The following MYO9A variants were observed in gnomAD, a reference collection of about 807,000 sequenced individuals.
MYO9A encodes the protein unconventional myosin-IXa.
A neutral mutation model predicts 293.3 loss-of-function variants in MYO9A; 103 were observed. The observed-to-expected ratio is 0.35, with a 90% CI of 0.30 to 0.41. The LOEUF (loss-of-function observed/expected upper bound fraction) is 0.41, where lower values mean the gene tolerates loss of function less well. Ranked by LOEUF, MYO9A falls within the 10% of genes least tolerant of loss-of-function variation. The probability of loss-of-function intolerance (pLI) is 1.00; values close to 1 mark genes in which losing one functional copy is unlikely to be tolerated. For synonymous variants in MYO9A, 1,001 were observed against 1,035.7 expected (o/e 0.97, Z 0.64); for missense variants, 2,685 against 3,033.0 (o/e 0.89, Z 2.69).
chr15:71,994,509 T>C lies in MYO9A; in HGVS notation c.1547A>G (p.His516Arg), dbSNP rs539645096. ...TAAATCTTTACTATTCAGAAGTGCATGATTAATTCGAAAAACTATCCAGTC... is the reference window on the plus strand; with the variant it reads ...TAAATCTTTACTATTCAGAAGTGCACGATTAATTCGAAAAACTATCCAGTC... The part of the protein sequence containing the change: ...LFDWIVFRIN[H>R]ALLNSKDLEH... The change falls in exon 10 of 42, where the codon CAT becomes CGT. Residue 516 changes from histidine to arginine, a missense_variant. By Grantham distance (29) the His-to-Arg change is conservative. Coordinates refer to ENST00000356056, the MANE Select transcript of MYO9A (RefSeq NM_006901.4). 5 of 1,611,634 alleles carry C rather than the reference T, an allele frequency of 3.1e-6. No homozygotes were observed. Among genetic ancestry groups the C allele is most frequent in the South Asian group, 2.2e-5 (2 of 90,408 alleles).
intron 32 of MYO9A, 101 bp downstream of exon 32, chr15:71,875,690 A>C (rs1216913823): frequency 7.3e-6 from 4 of 545,308 alleles, no homozygotes; most frequent in Non-Finnish European, 1.2e-5. Context: ...GTACCTGATA[A>C]ACTTATTTCA....
chr15:72,093,415 C>T (rs1043535532), intron 1 of MYO9A, among the ~76,000 whole-genome samples: 1 of 151,820 alleles, frequency 6.6e-6, no homozygotes, highest in Non-Finnish European at 1.5e-5. Context: ...CTGCACCTAT[C>T]GTCCCTGCTA....
chr15:71,905,240 G>A (rs1453020160), intron 19 of MYO9A, among the ~76,000 whole-genome samples: 1 of 152,074 alleles, frequency 6.6e-6, no homozygotes, highest in Non-Finnish European at 1.5e-5. Flanking sequence ...AAATATTGCA[G>A]ATGTTTTCAG....
In MYO9A at chr15:71,898,179, T is replaced by G; in HGVS notation, c.4324A>C (p.Asn1442His). ...NSQLDTSIQRNKLLENEDTAG... is the reference protein window; with the variant it reads ...NSQLDTSIQRHKLLENEDTAG... ...GTGTCTTCATTTTCCAATAGTTTGT[T>G]TCTTTGGATACTTGTGTCTAGTTGG... The change falls in exon 25 of 42, where the codon AAC becomes CAC. Residue 1442 changes from asparagine (N) to histidine (H), a missense_variant. This residue lies in a region of MYO9A where 1,434 missense variants were observed against 1,497.7 expected (regional missense o/e 0.96). Transcript: ENST00000356056. 6.2e-7 allele frequency: 1 copy of G among 1,614,172 alleles called. No individual in the cohort carries two copies.
rs1471563436 is a variant in MYO9A at position 71,826,003 on chromosome 15, TTTTTTGTTTTTTTTTTTTG to T, written c.*558_*576del. 3.7e-5 allele frequency: 5 copies of T among 136,752 alleles called. No individual in the cohort carries two copies. The highest frequency in any genetic ancestry group is 1.4e-4 in the African/African-American group (5 of 36,556). The allele number at this position is 136,752 out of a possible 1,614,324, so 8.5% of individuals were successfully genotyped here. On this transcript the variant is annotated 3_prime_UTR_variant, in exon 42 of 42. Transcript: ENST00000356056. ...AATCACGGTTTTTTTTTGTTTTTTT[TTTTTTGTTTTTTTTTTTTG>T]TTTTTGCTTTCCCCAGAATATAACA...
At chr15:72,072,091 T>C (rs1419450541) in intron 1 of MYO9A, among the ~76,000 whole-genome samples, 1 of 146,182 alleles carries the variant, frequency 6.8e-6, no homozygotes, top group Non-Finnish European at 1.5e-5. Context: ...AAAAAAAAAG[T>C]ATATATAATA....
At chr15:71,911,905 G>A (rs1298714931) in intron 19 of MYO9A, among the ~76,000 whole-genome samples, 1 of 152,162 alleles carries the variant, frequency 6.6e-6, no homozygotes, top group East Asian at 1.9e-4. Flanking sequence ...AAATAATACA[G>A]AAAATATACA....
intron 6 of MYO9A, among the ~76,000 whole-genome samples, chr15:72,013,011 T>C (rs1297296680): frequency 1.3e-5 from 2 of 152,212 alleles, no homozygotes; most frequent in African/African-American, 4.8e-5. Context: ...TGATGATAAC[T>C]GTAGAAGAAA....
intron 40 of MYO9A, among the ~76,000 whole-genome samples, chr15:71,829,255 A>G (rs1296667981): frequency 6.6e-6 from 1 of 152,116 alleles, no homozygotes; most frequent in Non-Finnish European, 1.5e-5. Context: ...CTGCTTTTTT[A>G]GCTGGCCTAT....
chr15:71,881,509 A>G (rs1775666437), intron 28 of MYO9A, among the ~76,000 whole-genome samples: 1 of 152,228 alleles, frequency 6.6e-6, no homozygotes, highest in Admixed American at 6.5e-5. Flanking sequence ...GATACAGGAT[A>G]CAATTATATT....
intron 18 of MYO9A, among the ~76,000 whole-genome samples, chr15:71,917,751 C>T (rs1298926200): frequency 6.6e-6 from 1 of 151,978 alleles, no homozygotes; most frequent in East Asian, 1.9e-4. Flanking sequence ...TATATCTATA[C>T]AGATGTAAAC....
At chr15:71,920,164 C>G (rs2058119081) in intron 18 of MYO9A, among the ~76,000 whole-genome samples, 2 of 152,100 alleles carry the variant, frequency 1.3e-5, no homozygotes, top group Admixed American at 6.6e-5. Flanking sequence ...TACTTCATTC[C>G]TTTCTTAATT....
At chr15:71,864,539 T>C (rs1224831576) in intron 32 of MYO9A, among the ~76,000 whole-genome samples, 1 of 152,226 alleles carries the variant, frequency 6.6e-6, no homozygotes, top group East Asian at 1.9e-4. Flanking sequence ...TAACTGTTCA[T>C]AGTGGCATTA....
chr15:72,096,058 G>GCCTGTAATCCCA, intron 1 of MYO9A, among the ~76,000 whole-genome samples: 1 of 151,872 alleles, frequency 6.6e-6, no homozygotes, highest in Admixed American at 6.6e-5. Context: ...CTACTTGAGA[G>GCCTGTAATCCCA]GCTAAGGCAG....
intron 1 of MYO9A, among the ~76,000 whole-genome samples, chr15:72,079,752 C>T (rs538804194): frequency 4.5e-4 from 69 of 152,128 alleles, no homozygotes; most frequent in East Asian, 5.8e-4. Context: ...GTTTCCAATT[C>T]GCTATTATTA....
At position 72,099,800 on chromosome 15, in the gene MYO9A, G is replaced by A. The variant is rs1011904261; in HGVS notation, c.-72+17880C>T. On this transcript the variant is annotated intron_variant, in intron 1 of 41. Transcript: ENST00000356056. ...GCCTGTAGTCCCAGCTACTCAGGAG[G>A]CTGAGACAGGAGAACTGCTTGAACC... 5.3e-5 allele frequency among the ~76,000 whole-genome samples: 8 copies of A among 150,724 alleles called. No homozygotes were observed. The South Asian group carries it at 6.3e-4, about 12-fold the overall frequency.
chr15:71,999,549 A>T (rs780073333), intron 9 of MYO9A, among the ~76,000 whole-genome samples: 12 of 152,184 alleles, frequency 7.9e-5, no homozygotes, highest in Non-Finnish European at 1.6e-4. Context: ...ATTGGGTCAA[A>T]TATTGCTCAT....
intron 18 of MYO9A, among the ~76,000 whole-genome samples, chr15:71,929,187 T>G (rs1219109481): frequency 6.6e-6 from 1 of 152,172 alleles, no homozygotes; most frequent in African/African-American, 2.4e-5. Context: ...AGCTTTTTAG[T>G]GGGGTCTTGA....
rs1596212923 is a variant in MYO9A at position 71,927,657 on chromosome 15, A to C, written c.2562+6013T>G. On this transcript the variant is annotated intron_variant, in intron 18 of 41. Coordinates refer to ENST00000356056, the MANE Select transcript of MYO9A (RefSeq NM_006901.4). ...GATCCACATTTGGTCACAGATGTAGATCCCCCTGATATGGATGACTGTATT... is the reference window on the plus strand; with the variant it reads ...GATCCACATTTGGTCACAGATGTAGCTCCCCCTGATATGGATGACTGTATT... Among the ~76,000 whole-genome samples, 4 of 152,200 alleles carry C rather than the reference A, an allele frequency of 2.6e-5. No individual in the cohort carries two copies. The Middle Eastern group carries it at 0.01, about 388-fold the overall frequency.
Sources: gnomAD v4.1 joint callset for allele counts (sites outside exome capture counted in the v4.1 genomes callset) on GRCh38, gnomAD v4.1.1 for gene constraint, gnomAD v4.1.1 regional missense constraint, MANE v1.5 for transcripts, NCBI Gene and HGNC (gene_info 2026-07-23, HGNC 2026-07-21) for gene names.